Variants in CFAP251 observed in about 807,000 individuals in gnomAD.
CFAP251 encodes the protein cilia and flagella associated protein 251, also known as cilia- and flagella-associated protein 251.
In CFAP251, 93 loss-of-function variants were observed where a neutral mutation model predicts 126.7. The ratio of observed to expected loss-of-function variants is 0.73; its 90% CI spans 0.62 to 0.87. The LOEUF is 0.87. Among genes scored for constraint, CFAP251 ranks in the 40% least tolerant of loss-of-function variants. The pLI, the probability that CFAP251 is intolerant of heterozygous loss-of-function variation, is 0.00. For synonymous variants in CFAP251, 503 were observed against 506.9 expected (o/e 0.99, Z 0.10); for missense variants, 1,287 against 1,389.2 (o/e 0.93, Z 1.17).
intron 19 of CFAP251, among the ~76,000 whole-genome samples, chr12:121,980,381 T>C (rs189611546): frequency 3.1e-3 from 464 of 151,168 alleles, no homozygotes; most frequent in African/African-American, 0.01. Context: ...AGGCAAAAAG[T>C]GGGCCCCTCT....
chr12:121,934,682 C>T (rs982741627), intron 5 of CFAP251, among the ~76,000 whole-genome samples: 22 of 152,308 alleles, frequency 1.4e-4, no homozygotes, highest in African/African-American at 5.1e-4. Context: ...CCATACATTT[C>T]TTGTTGGATA....
At chr12:121,958,729 C>A (rs1314277398) in intron 12 of CFAP251, among the ~76,000 whole-genome samples, 1 of 151,986 alleles carries the variant, frequency 6.6e-6, no homozygotes, top group African/African-American at 2.4e-5. Context: ...GGATGAGGCG[C>A]CTTCTCTCTG....
chr12:121,945,586 G>A (rs182901259), intron 7 of CFAP251, among the ~76,000 whole-genome samples: 1,900 of 151,272 alleles, frequency 0.013, 26 homozygotes, highest in Non-Finnish European at 0.017. Flanking sequence ...CTCATGATCC[G>A]CCCGCCTTGG....
At position 121,934,338 on chromosome 12, in the gene CFAP251, T is replaced by C. The variant is rs758500430; in HGVS notation, c.980T>C (p.Ile327Thr). ...AAAGGGCCAGACTGCCTGGTGATTA[T>C]ATGGGACTCCTTCACAGGGTAGGCT... Reference protein sequence around the residue: ...ADKGPDCLVIIWDSFTGIPVH... With the variant: ...ADKGPDCLVITWDSFTGIPVH... The change falls in exon 5 of 22, where the codon ATA becomes ACA. Residue 327 changes from isoleucine (I) to threonine (T), a missense_variant. By Grantham distance (89) the Ile-to-Thr change is moderately conservative (BLOSUM62 -1). Transcript: ENST00000288912. The C allele has an allele frequency of 1.9e-6, 3 of 1,613,902 alleles. No individual in the cohort carries two copies. The highest frequency in any genetic ancestry group is 8.5e-7 in the Non-Finnish European group (1 of 1,179,846).
At position 121,975,591 on chromosome 12, in the gene CFAP251, A is replaced by G. The variant is rs748514294; in HGVS notation, c.2912A>G (p.Asp971Gly). 11 of 1,605,758 alleles carry G rather than the reference A, an allele frequency of 6.9e-6. No homozygotes were observed. The African/African-American group carries it at 9.4e-5, about 14-fold the overall frequency. ...YYSQLRSQGI[D>G]TMETRKVSEH... ...TCTCAGCTCCGCAGTCAAGGCATCGACACAATGGAGACCAGAAAGGTGTCA... is the reference window on the plus strand; with the variant it reads ...TCTCAGCTCCGCAGTCAAGGCATCGGCACAATGGAGACCAGAAAGGTGTCA... Residue 971 changes from aspartate (D) to glycine (G), a missense_variant, in exon 19 of 22, where the codon GAC (aspartate) becomes GGC (glycine). By Grantham distance (94) the Asp-to-Gly change is moderately conservative. Transcript: ENST00000288912.
At chr12:121,928,760 G>A (rs955396083) in intron 3 of CFAP251, among the ~76,000 whole-genome samples, 1 of 149,148 alleles carries the variant, frequency 6.7e-6, no homozygotes, top group South Asian at 2.1e-4. Flanking sequence ...GCAGCATGAC[G>A]ATCTCGGCTC....
rs149086618 is a variant in CFAP251, at chr12:121,940,824, CAT to C, written c.999-1709_999-1708del. Reference sequence around the variant, plus strand: ...TAAAAGTTCCTCCTCACCCAAACCCCATCTTCAGAGGAACCATTGCTTACAGT... The same window carrying C: ...TAAAAGTTCCTCCTCACCCAAACCCCCTTCAGAGGAACCATTGCTTACAGT... On this transcript the variant is annotated intron_variant, in intron 5 of 21. Transcript: ENST00000288912. Among the ~76,000 whole-genome samples, 517 of 152,242 alleles carry C rather than the reference CAT, an allele frequency of 3.4e-3. 3 individuals carry two copies. The highest frequency in any genetic ancestry group is 0.011 in the African/African-American group (461 of 41,548).
rs558861973 is a variant in CFAP251 at position 121,952,240 on chromosome 12, TAAAA to T, written c.1320+738_1320+741del. ...AACACAGGCTAGACTTCGTTTCTAC[TAAAA>T]AAAAAAAAAAAAAAAAAAAAAAAAA... is the stretch of plus-strand genomic sequence containing the variant. On this transcript the variant is annotated intron_variant, in intron 9 of 21. Transcript: ENST00000288912. Among the ~76,000 whole-genome samples the T allele has an allele frequency of 2.1e-4, 19 of 92,074 alleles. No individual in the cohort carries two copies. In the South Asian group the frequency reaches 4.0e-3, roughly 20 times the overall value. The allele number at this position is 92,074 out of a possible 152,430, so 60.4% of individuals were successfully genotyped here.
In CFAP251 at chr12:121,989,299, A is replaced by G. The variant is rs929903316; in HGVS notation, c.3007-10417A>G. Among the ~76,000 whole-genome samples the G allele has an allele frequency of 2.0e-5, 3 of 152,216 alleles. No homozygotes were observed. Among genetic ancestry groups the G allele is most frequent in the African/African-American group, 7.2e-5 (3 of 41,460 alleles). ...GACAGTCACTCTAAAGGGCCCTGTGAATGGGTGTTGTTCACATGGAGTAGA... is the reference window on the plus strand; with the variant it reads ...GACAGTCACTCTAAAGGGCCCTGTGGATGGGTGTTGTTCACATGGAGTAGA... On this transcript the variant is annotated intron_variant, in intron 19 of 21. Coordinates refer to ENST00000288912, the MANE Select transcript of CFAP251 (RefSeq NM_144668.6). The surrounding 1 kb of genome is among the most constrained non-coding windows in gnomAD (Gnocchi z 4.2).
chr12:121,947,830 C>T (rs1881376565), intron 7 of CFAP251: 1 of 152,182 alleles, frequency 6.6e-6, no homozygotes, highest in Non-Finnish European at 1.5e-5. Context: ...GTTCCTTACC[C>T]TACCCAGGCT....
intron 3 of CFAP251, among the ~76,000 whole-genome samples, chr12:121,927,149 C>T (rs1005609311): frequency 6.6e-6 from 1 of 151,334 alleles, no homozygotes; most frequent in African/African-American, 2.4e-5. Flanking sequence ...GTGCCCATGC[C>T]TGTGCACATG....
At chr12:121,923,488 C>A in intron 2 of CFAP251, 134 bp from the exon 3 acceptor site, 1 of 1,207,384 alleles carries the variant, frequency 8.3e-7, no homozygotes, top group Non-Finnish European at 1.1e-6. Context: ...CAAAATGTTC[C>A]AGCCTCTTTT....
chr12:121,981,935 A>C (rs979230149), intron 19 of CFAP251, among the ~76,000 whole-genome samples: 1 of 152,296 alleles, frequency 6.6e-6, no homozygotes, highest in Admixed American at 6.5e-5. Context: ...ATTATTGTGA[A>C]GATTAACTGA....
intron 7 of CFAP251, among the ~76,000 whole-genome samples, chr12:121,945,304 G>C (rs1565908167): frequency 6.6e-6 from 1 of 151,286 alleles, no homozygotes; most frequent in Admixed American, 6.6e-5. Context: ...CAGTCAGACT[G>C]TTTTTTTTGT....
Sources: allele counts gnomAD v4.1 joint callset (sites outside exome capture counted in the v4.1 genomes callset), GRCh38; gene constraint gnomAD v4.1.1; non-coding constraint Gnocchi (gnomAD v3.1); transcripts MANE v1.5; gene names NCBI Gene and HGNC (gene_info 2026-07-23, HGNC 2026-07-21).